The following PCDHGA3 variants were observed in gnomAD, a reference collection of about 807,000 sequenced individuals.
PCDHGA3 encodes the protein protocadherin gamma subfamily A, 3, also known as protocadherin gamma-A3.
In PCDHGA3, 40 loss-of-function variants were observed where a neutral mutation model predicts 58.5. The observed-to-expected ratio is 0.68, with a 90% CI of 0.53 to 0.89. The LOEUF (loss-of-function observed/expected upper bound fraction) is 0.89, where lower values mean the gene tolerates loss of function less well. Among genes scored for constraint, PCDHGA3 ranks in the 40% least tolerant of loss-of-function variants. The pLI is 0.00. For synonymous variants in PCDHGA3, 530 were observed against 525.7 expected (o/e 1.01, Z -0.11); for missense variants, 1,223 against 1,195.9 (o/e 1.02, Z -0.33).
At chr5:141,360,479 A>G in intron 1 of PCDHGA3, 2 of 1,613,948 alleles carry the variant, frequency 1.2e-6, no homozygotes, top group Non-Finnish European at 1.7e-6. Flanking sequence ...AATCCACTAA[A>G]TATTTTCTAC....
intron 1 of PCDHGA3, chr5:141,370,299 G>A (rs914086562): frequency 8.6e-7 from 1 of 1,160,314 alleles, no homozygotes; most frequent in African/African-American, 1.5e-5. Flanking sequence ...CAAGCACAAA[G>A]ACAAAGCAAA....
At chr5:141,381,530 T>C (rs1035264051) in intron 1 of PCDHGA3, among the ~76,000 whole-genome samples, 1 of 152,196 alleles carries the variant, frequency 6.6e-6, no homozygotes. Context: ...TTGAATTGCA[T>C]ACTAGGATGA....
At chr5:141,363,119 GT>G (rs1228488780) in intron 1 of PCDHGA3, among the ~76,000 whole-genome samples, 2 of 152,234 alleles carry the variant, frequency 1.3e-5, no homozygotes, top group East Asian at 3.8e-4. Flanking sequence ...GGTCTGAGGT[GT>G]CTGCTAGAAA....
At chr5:141,386,797 T>G (rs771279831) in intron 1 of PCDHGA3, among the ~76,000 whole-genome samples, 1 of 152,124 alleles carries the variant, frequency 6.6e-6, no homozygotes, top group Non-Finnish European at 1.5e-5. Flanking sequence ...TGACCAAAAT[T>G]TATTAGATGC....
intron 1 of PCDHGA3, chr5:141,350,726 G>T (rs766918088): frequency 2.3e-5 from 37 of 1,613,838 alleles, no homozygotes; most frequent in Admixed American, 5.0e-5. Context: ...TTCTGCTCAA[G>T]ATGCAGATGT....
intron 1 of PCDHGA3, among the ~76,000 whole-genome samples, chr5:141,367,949 A>G (rs144686232): frequency 4.9e-4 from 75 of 152,326 alleles, no homozygotes; most frequent in African/African-American, 1.7e-3. Context: ...AAAATTTTAA[A>G]TTTCATATCT....
rs1757721860 is a variant in PCDHGA3, at chr5:141,346,250, CTT to C, written c.2219_2220del (p.Phe740CysfsTer46). On this transcript the variant is annotated frameshift_variant, in exon 1 of 4. Transcript: ENST00000253812. LOFTEE classifies it high-confidence loss of function. The part of the protein sequence containing the change: ...GGLASTPGSH[F>X]VGADGVRAFL... ...GCTTGGCGAGTACGCCCGGCTCGCA[CTT>C]TGTGGGCGCGGACGGGGTTCGGGCT... is the stretch of plus-strand genomic sequence containing the variant. 6.2e-7 allele frequency: 1 copy of C among 1,614,216 alleles called. No individual in the cohort carries two copies.
chr5:141,349,541 A>T (rs1322782063), intron 1 of PCDHGA3, among the ~76,000 whole-genome samples: 1 of 152,216 alleles, frequency 6.6e-6, no homozygotes, highest in Non-Finnish European at 1.5e-5. Flanking sequence ...ATATTTTATA[A>T]AGAAGAGAAA....
intron 1 of PCDHGA3, chr5:141,421,325 G>A: frequency 6.2e-7 from 1 of 1,613,906 alleles, no homozygotes; most frequent in Non-Finnish European, 8.5e-7. Context: ...AGGCAGATCC[G>A]ATATTCGGTG....
In PCDHGA3 at chr5:141,343,833, T is replaced by C. The variant is rs943041178; in HGVS notation, c.-201T>C. 4.4e-5 allele frequency: 22 copies of C among 500,670 alleles called. No individual in the cohort carries two copies. Among genetic ancestry groups the C allele is most frequent in the African/African-American group, 3.8e-4 (19 of 50,590 alleles). The allele number at this position is 500,670 out of a possible 1,614,324, so 31.0% of individuals were successfully genotyped here. On this transcript the variant is annotated 5_prime_UTR_variant, in exon 1 of 4. Transcript: ENST00000253812. ...ACGCAGCTGGAGAACTAGTCCACCA[T>C]TTCCTTGCTCCTAAAATGCAAAGAA...
intron 1 of PCDHGA3, chr5:141,372,722 A>C: frequency 6.2e-7 from 1 of 1,613,930 alleles, no homozygotes; most frequent in Non-Finnish European, 8.5e-7. Context: ...AAAATGCTGC[A>C]CCACAAGATC....
intron 1 of PCDHGA3, among the ~76,000 whole-genome samples, chr5:141,425,864 A>T (rs2096899427): frequency 6.6e-6 from 1 of 152,254 alleles, no homozygotes; most frequent in African/African-American, 2.4e-5. Flanking sequence ...TGTTCTATAG[A>T]TTCCCATCTC....
chr5:141,355,534 G>A (rs1759890654), intron 1 of PCDHGA3: 2 of 1,613,944 alleles, frequency 1.2e-6, no homozygotes, highest in Non-Finnish European at 1.7e-6. Flanking sequence ...TCTTCTAGAA[G>A]ATACAGTGAA....
intron 2 of PCDHGA3, among the ~76,000 whole-genome samples, chr5:141,496,206 A>C (rs2099766963): frequency 6.6e-6 from 1 of 152,126 alleles, no homozygotes; most frequent in South Asian, 2.1e-4. Context: ...TCAATCTGGT[A>C]TGAATTCCTG....
At chr5:141,405,448 C>G in intron 1 of PCDHGA3, 1 of 1,314,742 alleles carries the variant, frequency 7.6e-7, no homozygotes, top group Non-Finnish European at 1.1e-6. Context: ...GAGACAGAGT[C>G]TTACTCTGTT....
At chr5:141,352,101 G>T in intron 1 of PCDHGA3, 1 of 1,606,586 alleles carries the variant, frequency 6.2e-7, no homozygotes, top group Non-Finnish European at 8.5e-7. Flanking sequence ...GGGCTCTTCA[G>T]CCTGGGGTTG....
rs571663206 is a variant in PCDHGA3, at chr5:141,346,381, A to G, written c.2348A>G (p.Glu783Gly). 6.2e-7 allele frequency: 1 copy of G among 1,614,234 alleles called. No homozygotes were observed. Among genetic ancestry groups the G allele is most frequent in the Admixed American group, 1.7e-5 (1 of 60,030 alleles). Reference protein sequence around the residue: ...PNYADTLISQESCEKSEPLLI... With the variant: ...PNYADTLISQGSCEKSEPLLI... Reference sequence around the variant, plus strand: ...TATGCGGACACGCTCATCAGCCAGGAGAGCTGTGAGAAAAGCGAGCCTCTT... The same window carrying G: ...TATGCGGACACGCTCATCAGCCAGGGGAGCTGTGAGAAAAGCGAGCCTCTT... Residue 783 changes from glutamate (E) to glycine (G), a missense_variant, in exon 1 of 4, where the codon GAG becomes GGG. This residue lies in a region of PCDHGA3 where 325 missense variants were observed against 327.5 expected (regional missense o/e 0.99). Transcript: ENST00000253812.
chr5:141,414,472 A>G (rs1039987036), intron 1 of PCDHGA3: 1 of 1,613,914 alleles, frequency 6.2e-7, no homozygotes, highest in African/African-American at 1.3e-5. Flanking sequence ...AGATGGGGGA[A>G]GTCCTCCTCT....
At chr5:141,458,727 A>G (rs1424554234) in intron 1 of PCDHGA3, among the ~76,000 whole-genome samples, 1 of 151,570 alleles carries the variant, frequency 6.6e-6, no homozygotes, top group East Asian at 1.9e-4. Flanking sequence ...TCGCCACCAC[A>G]TCCAGCTATT....
Sources: allele counts gnomAD v4.1 joint callset (sites outside exome capture counted in the v4.1 genomes callset), GRCh38; gene constraint gnomAD v4.1.1; regional missense constraint gnomAD v4.1.1; transcripts MANE v1.5; gene names NCBI Gene and HGNC (gene_info 2026-07-23, HGNC 2026-07-21).